DLG2: variants seen among roughly 807,000 people sequenced by gnomAD.
The protein encoded by DLG2 is discs large MAGUK scaffold protein 2.
DLG2 carries 45 observed loss-of-function variants against 132.5 expected under a neutral mutation model. That is an observed-to-expected ratio of 0.34 (90% CI 0.27 to 0.44). The LOEUF (loss-of-function observed/expected upper bound fraction) is 0.44. Ranked by LOEUF, DLG2 falls within the 20% of genes least tolerant of loss-of-function variation. DLG2 has a pLI of 1.00. For missense variants in DLG2, 1,045 were observed against 1,196.9 expected, an observed-to-expected ratio of 0.87 and a Z score of 1.87; for synonymous variants, 424 against 419.6, an observed-to-expected ratio of 1.01 and a Z score of -0.13.
intron 18 of DLG2, among the ~76,000 whole-genome samples, chr11:83,667,902 C>G (rs1020883277): frequency 7.8e-6 from 1 of 127,424 alleles, no homozygotes; most frequent in African/African-American, 3.0e-5. Context: ...GGCATGAACC[C>G]GGGAGGCAGA....
At chr11:84,208,439 G>A (rs1165120224) in intron 8 of DLG2, among the ~76,000 whole-genome samples, 1 of 151,672 alleles carries the variant, frequency 6.6e-6, no homozygotes, top group East Asian at 1.9e-4. Context: ...TGCCTCATGG[G>A]ATGAAGTGAT....
intron 6 of DLG2, among the ~76,000 whole-genome samples, chr11:85,046,127 T>C (rs966017914): frequency 9.9e-5 from 15 of 152,018 alleles, no homozygotes; most frequent in Admixed American, 2.6e-4. Flanking sequence ...GGAAACTTGA[T>C]TGCTTCAGTT....
At chr11:84,894,953 C>T (rs2089987235) in intron 6 of DLG2, among the ~76,000 whole-genome samples, 1 of 152,166 alleles carries the variant, frequency 6.6e-6, no homozygotes, top group South Asian at 2.1e-4. Flanking sequence ...CTCCACGGGG[C>T]AATGTCTGTC....
At chr11:84,950,186 G>A (rs1371546352) in intron 6 of DLG2, among the ~76,000 whole-genome samples, 3 of 152,098 alleles carry the variant, frequency 2.0e-5, no homozygotes, top group African/African-American at 7.2e-5. Context: ...CATTTTTAAA[G>A]TTTGGAGCAT....
intron 6 of DLG2, among the ~76,000 whole-genome samples, chr11:84,919,319 A>C (rs1400609248): frequency 6.6e-6 from 1 of 152,160 alleles, no homozygotes; most frequent in Non-Finnish European, 1.5e-5. Context: ...AAACTTTCTT[A>C]AGCTATGCAA....
Position 84,801,934 on chromosome 11 carries a change from T to G in DLG2, c.358-267203A>C, listed in dbSNP as rs569570782. On this transcript the variant is annotated intron_variant, in intron 6 of 27. Transcript: ENST00000376104. ...CTTTGTTACATCTGTTTGTGCTGGT[T>G]TTCTGCTTCTGCATCTGTACAGGGC... is the stretch of plus-strand genomic sequence containing the variant. 4.2e-4 allele frequency among the ~76,000 whole-genome samples: 64 copies of G among 152,320 alleles called. 1 individual carries two copies. Among genetic ancestry groups the G allele is most frequent in the Admixed American group, 3.5e-3 (54 of 15,304 alleles).
intron 7 of DLG2, among the ~76,000 whole-genome samples, chr11:84,489,741 C>A (rs1041454867): frequency 6.6e-6 from 1 of 152,048 alleles, no homozygotes; most frequent in African/African-American, 2.4e-5. Flanking sequence ...GCAACATGAC[C>A]TTTAATGTTC....
At chr11:84,334,693 G>A (rs897341685) in intron 7 of DLG2, among the ~76,000 whole-genome samples, 1 of 152,178 alleles carries the variant, frequency 6.6e-6, no homozygotes, top group Non-Finnish European at 1.5e-5. Flanking sequence ...CATTGTATCA[G>A]CTAGATATTG....
At chr11:83,899,066 G>C (rs1260200316) in intron 15 of DLG2, among the ~76,000 whole-genome samples, 1 of 152,118 alleles carries the variant, frequency 6.6e-6, no homozygotes, top group Non-Finnish European at 1.5e-5. Flanking sequence ...TTTGCATACA[G>C]TGAATGAGGA....
chr11:84,709,027 C>T (rs1463871504), intron 6 of DLG2, among the ~76,000 whole-genome samples: 1 of 151,880 alleles, frequency 6.6e-6, no homozygotes, highest in Non-Finnish European at 1.5e-5. Context: ...GCTATAATAA[C>T]ACACACATTA....
At chr11:85,507,311 G>A (rs1414986330) in intron 3 of DLG2, among the ~76,000 whole-genome samples, 1 of 152,130 alleles carries the variant, frequency 6.6e-6, no homozygotes, top group East Asian at 1.9e-4. Flanking sequence ...AGCATCAGTG[G>A]TCCTTACAAT....
intron 11 of DLG2, among the ~76,000 whole-genome samples, chr11:83,996,765 C>G (rs967442187): frequency 6.6e-6 from 1 of 151,918 alleles, no homozygotes; most frequent in Admixed American, 6.6e-5. Context: ...ACCTAAAAAC[C>G]AAATCAATTG....
chr11:85,525,284 A>T (rs2074658567), intron 3 of DLG2, among the ~76,000 whole-genome samples: 1 of 152,206 alleles, frequency 6.6e-6, no homozygotes, highest in Admixed American at 6.5e-5. Flanking sequence ...CCTGAATGTA[A>T]TCAGTGACAT....
chr11:83,872,884 C>A (rs1247225826), intron 16 of DLG2, among the ~76,000 whole-genome samples: 1 of 152,074 alleles, frequency 6.6e-6, no homozygotes, highest in Non-Finnish European at 1.5e-5. Context: ...GTCCCCACAC[C>A]CTTACCTCTA....
At chr11:83,969,781 C>A (rs1478752728) in intron 12 of DLG2, among the ~76,000 whole-genome samples, 1 of 152,106 alleles carries the variant, frequency 6.6e-6, no homozygotes, top group East Asian at 1.9e-4. Flanking sequence ...CCATGTTGGC[C>A]AGGCTGGTCT....
chr11:85,499,334 T>C (rs2093741004), intron 3 of DLG2, among the ~76,000 whole-genome samples: 1 of 152,088 alleles, frequency 6.6e-6, no homozygotes, highest in African/African-American at 2.4e-5. Flanking sequence ...GCAAATAAAC[T>C]AGAAAATCTA....
At chr11:85,279,739 T>C (rs2078116737) in intron 4 of DLG2, among the ~76,000 whole-genome samples, 1 of 152,124 alleles carries the variant, frequency 6.6e-6, no homozygotes, top group Admixed American at 6.6e-5. Context: ...AAAAATTGTT[T>C]TTATTTAAAT....
Position 85,217,318 on chromosome 11 carries a change from T to TCACACACACACA in DLG2, c.187-62679_187-62668dup, listed in dbSNP as rs56718906. On this transcript the variant is annotated intron_variant, in intron 4 of 27. Coordinates refer to ENST00000376104, the MANE Select transcript of DLG2 (RefSeq NM_001142699.3). ...CCATCACCTAGATTCTCTCTCTCTC[T>TCACACACACACA]CACACACACACACACACACACACAC... Among the ~76,000 whole-genome samples the TCACACACACACA allele has an allele frequency of 4.6e-3, 657 of 144,014 alleles. 8 individuals carry two copies. The highest frequency in any genetic ancestry group is 0.015 in the African/African-American group (563 of 38,590). 94.5% of individuals were successfully genotyped at this position (144,014 alleles called of 152,430 possible). A position where few individuals can be genotyped will look rare whatever the true frequency, so the allele number is the denominator to read the frequency against.
intron 2 of DLG2, among the ~76,000 whole-genome samples, chr11:85,604,227 A>T (rs944575522): frequency 6.6e-6 from 1 of 152,206 alleles, no homozygotes; most frequent in African/African-American, 2.4e-5. Context: ...CAAGTCTCCA[A>T]GTTAGGCTTT....
Sources: allele counts gnomAD v4.1 joint callset (sites outside exome capture counted in the v4.1 genomes callset), GRCh38; gene constraint gnomAD v4.1.1; transcripts MANE v1.5; gene names NCBI Gene and HGNC (gene_info 2026-07-23, HGNC 2026-07-21).